GRIN2B: variants seen among roughly 807,000 people sequenced by gnomAD.
The protein encoded by GRIN2B is glutamate receptor ionotropic, NMDA 2B.
A neutral mutation model predicts 114.5 loss-of-function variants in GRIN2B; 5 were observed. The ratio of observed to expected loss-of-function variants is 0.04; its 90% CI spans 0.02 to 0.09. The LOEUF (loss-of-function observed/expected upper bound fraction) is 0.09. GRIN2B is among the 10% of genes least tolerant of loss of function. The probability of loss-of-function intolerance (pLI) is 1.00; values close to 1 mark genes in which losing one functional copy is unlikely to be tolerated. For synonymous variants in GRIN2B, 787 were observed against 745.1 expected (o/e 1.06, Z -0.92); for missense variants, 1,108 against 1,943.5 (o/e 0.57, Z 8.08).
intron 10 of GRIN2B, among the ~76,000 whole-genome samples, chr12:13,605,310 T>C (rs1949224991): frequency 6.6e-6 from 1 of 152,018 alleles, no homozygotes; most frequent in Non-Finnish European, 1.5e-5. Flanking sequence ...AATAAAGGGA[T>C]CTCTAATCTA....
chr12:13,749,878 A>G (rs1863452252), intron 4 of GRIN2B, among the ~76,000 whole-genome samples: 1 of 152,208 alleles, frequency 6.6e-6, no homozygotes. Flanking sequence ...ACAGGCAGGG[A>G]TTACATTCAA....
intron 3 of GRIN2B, among the ~76,000 whole-genome samples, chr12:13,785,800 C>A (rs371392176): frequency 1.3e-5 from 2 of 152,084 alleles, no homozygotes; most frequent in South Asian, 4.1e-4. Flanking sequence ...TACTATTTTC[C>A]ATATGTAATA....
At chr12:13,634,095 G>C (rs994395634) in intron 5 of GRIN2B, 2 of 152,142 alleles carry the variant, frequency 1.3e-5, no homozygotes, top group African/African-American at 4.8e-5. Context: ...ATATGATTTG[G>C]CCATGTTCCT....
Position 13,904,382 on chromosome 12 carries a change from T to C in GRIN2B, c.-18-38156A>G, listed in dbSNP as rs144424387. On this transcript the variant is annotated intron_variant, in intron 2 of 13. Coordinates refer to ENST00000609686, the MANE Select transcript of GRIN2B (RefSeq NM_000834.5). ...CAAAGTTTAGAGTTAATTCATATCA[T>C]TACCCTTCTTTCAGAAAATACAAGC... Among the ~76,000 whole-genome samples, 398 of 152,196 alleles carry C rather than the reference T, an allele frequency of 2.6e-3. 1 individual carries two copies. The highest frequency in any genetic ancestry group is 9.2e-3 in the African/African-American group (383 of 41,578).
intron 3 of GRIN2B, among the ~76,000 whole-genome samples, chr12:13,760,961 T>G (rs1324326961): frequency 6.6e-6 from 1 of 152,252 alleles, no homozygotes; most frequent in Admixed American, 6.5e-5. Context: ...TGTCAGAGTT[T>G]TGCGAACAGT....
chr12:13,599,939 A>G (rs1212067097), intron 10 of GRIN2B, among the ~76,000 whole-genome samples: 1 of 152,218 alleles, frequency 6.6e-6, no homozygotes, highest in African/African-American at 2.4e-5. Flanking sequence ...ATCTGAAAGG[A>G]CAACATCCCA....
intron 8 of GRIN2B, among the ~76,000 whole-genome samples, chr12:13,613,877 T>C (rs931081077): frequency 6.6e-6 from 1 of 152,176 alleles, no homozygotes; most frequent in Non-Finnish European, 1.5e-5. Flanking sequence ...CTGCCTGACA[T>C]TTCTATGCTA....
rs1948301886 is a variant in GRIN2B, at chr12:13,543,150, A to G, written c.*19633T>C. ...ACTTCAATATCTATATAATTCCCAT[A>G]TCCTGGCCTCTCAGTTCCTTGACCC... On this transcript the variant is annotated 3_prime_UTR_variant, in exon 14 of 14. Transcript: ENST00000609686. 2 of 147,512 alleles carry G rather than the reference A, an allele frequency of 1.4e-5. No homozygotes were observed. The highest frequency in any genetic ancestry group is 7.0e-5 in the Admixed American group (1 of 14,284). 9.1% of individuals were successfully genotyped at this position (147,512 alleles called of 1,614,324 possible). A position where few individuals can be genotyped will look rare whatever the true frequency, so the allele number is the denominator to read the frequency against.
rs116708781 is a variant in GRIN2B at position 13,860,089 on chromosome 12, C to T, written c.411+5709G>A. Among the ~76,000 whole-genome samples the T allele has an allele frequency of 9.9e-3, 1,503 of 152,166 alleles. 26 individuals are homozygous for T. Among genetic ancestry groups the T allele is most frequent in the African/African-American group, 0.035 (1,454 of 41,498 alleles). On this transcript the variant is annotated intron_variant, in intron 3 of 13. Coordinates refer to ENST00000609686, the MANE Select transcript of GRIN2B (RefSeq NM_000834.5). ...TGTTGGATATGCAAATCCATATGAG[C>T]CAAGGGAAGGCAATAGTCTACTCCC... is the stretch of plus-strand genomic sequence containing the variant.
At chr12:13,600,443 T>A (rs1409646479) in intron 10 of GRIN2B, among the ~76,000 whole-genome samples, 2 of 152,144 alleles carry the variant, frequency 1.3e-5, no homozygotes, top group Non-Finnish European at 2.9e-5. Context: ...AGTTACTATT[T>A]ATCCAGTTAT....
intron 2 of GRIN2B, among the ~76,000 whole-genome samples, chr12:13,952,541 A>C (rs1409183915): frequency 6.6e-6 from 1 of 152,128 alleles, no homozygotes; most frequent in Non-Finnish European, 1.5e-5. Context: ...TCCTTCCTGC[A>C]TTCCTCCGGT....
chr12:13,699,191 C>T (rs556761992), intron 4 of GRIN2B, among the ~76,000 whole-genome samples: 8 of 152,216 alleles, frequency 5.3e-5, no homozygotes, highest in South Asian at 2.1e-4. Flanking sequence ...TTCTGATTTT[C>T]GTATTGCTGC....
At chr12:13,949,747 T>C (rs1867444411) in intron 2 of GRIN2B, among the ~76,000 whole-genome samples, 1 of 152,158 alleles carries the variant, frequency 6.6e-6, no homozygotes, top group Admixed American at 6.6e-5. Context: ...TAGTGTATAT[T>C]GATGGGCCAT....
chr12:13,695,763 T>G (rs986318074), intron 4 of GRIN2B, among the ~76,000 whole-genome samples: 6 of 152,200 alleles, frequency 3.9e-5, no homozygotes, highest in Non-Finnish European at 8.8e-5. Flanking sequence ...AATTAATTTT[T>G]TTCATTGTTG....
At chr12:13,689,598 T>G (rs1272244784) in intron 4 of GRIN2B, among the ~76,000 whole-genome samples, 1 of 152,196 alleles carries the variant, frequency 6.6e-6, no homozygotes. Context: ...CTTTGCCTTA[T>G]ATCATTGCCA....
At chr12:13,605,913 C>T (rs1949240380) in intron 10 of GRIN2B, among the ~76,000 whole-genome samples, 1 of 152,164 alleles carries the variant, frequency 6.6e-6, no homozygotes, top group Non-Finnish European at 1.5e-5. Context: ...TGACCCACCT[C>T]ATCTCTGCCA....
intron 4 of GRIN2B, among the ~76,000 whole-genome samples, chr12:13,694,655 T>TCA (rs201706764): frequency 0.12 from 5,691 of 47,788 alleles, 998 homozygotes; most frequent in African/African-American, 0.14. Flanking sequence ...CAAGAAAATG[T>TCA]CATATATATA....
At chr12:13,770,214 A>G (rs748347596) in intron 3 of GRIN2B, among the ~76,000 whole-genome samples, 4 of 152,232 alleles carry the variant, frequency 2.6e-5, no homozygotes, top group Non-Finnish European at 5.9e-5. Context: ...CACATCCTTA[A>G]GAATTTAGGA....
At chr12:13,647,104 CT>C (rs1328231034) in intron 5 of GRIN2B, among the ~76,000 whole-genome samples, 5 of 152,066 alleles carry the variant, frequency 3.3e-5, no homozygotes, top group Non-Finnish European at 7.4e-5. Flanking sequence ...AGGGCTGACA[CT>C]TTGGTTGCAT....
Sources: gnomAD v4.1 joint callset for allele counts (sites outside exome capture counted in the v4.1 genomes callset) on GRCh38, gnomAD v4.1.1 for gene constraint, MANE v1.5 for transcripts, NCBI Gene and HGNC (gene_info 2026-07-23, HGNC 2026-07-21) for gene names.